Variants in EMSY observed in about 807,000 individuals in gnomAD.
The protein encoded by EMSY is BRCA2-interacting transcriptional repressor EMSY.
Under a neutral mutation model 134.6 loss-of-function variants are expected in EMSY, and 26 were observed. That is an observed-to-expected ratio of 0.19 (90% CI 0.14 to 0.27). EMSY has a LOEUF of 0.27. Among genes scored for constraint, EMSY ranks in the 10% least tolerant of loss-of-function variants. EMSY has a pLI of 1.00. For synonymous variants in EMSY, 579 were observed against 577.8 expected (o/e 1.00, Z -0.03); for missense variants, 1,305 against 1,611.4 (o/e 0.81, Z 3.26).
At chr11:76,509,613 T>C (rs1950202006) in intron 9 of EMSY, among the ~76,000 whole-genome samples, 1 of 152,190 alleles carries the variant, frequency 6.6e-6, no homozygotes, top group Non-Finnish European at 1.5e-5. Flanking sequence ...GAAGAAGCAA[T>C]TTAATTTTAT....
chr11:76,489,304 C>A, intron 8 of EMSY, among the ~76,000 whole-genome samples: 1 of 138,442 alleles, frequency 7.2e-6, no homozygotes, highest in African/African-American at 2.7e-5. Context: ...TGATCAGATT[C>A]TTCTTGTTTT....
At chr11:76,479,845 C>G (rs753885967) in intron 8 of EMSY, among the ~76,000 whole-genome samples, 4 of 152,136 alleles carry the variant, frequency 2.6e-5, no homozygotes, top group African/African-American at 4.8e-5. Context: ...AGATTTCGAT[C>G]ACGTATTGAA....
At chr11:76,484,436 C>A (rs1949101197) in intron 8 of EMSY, among the ~76,000 whole-genome samples, 1 of 152,042 alleles carries the variant, frequency 6.6e-6, no homozygotes, top group Non-Finnish European at 1.5e-5. Context: ...TACGAAAAAC[C>A]CTTCAAAAAA....
chr11:76,461,680 C>T (rs1948123227), intron 6 of EMSY, among the ~76,000 whole-genome samples: 1 of 152,190 alleles, frequency 6.6e-6, no homozygotes. Context: ...GCCTGTAATC[C>T]CAGCACTTTG....
intron 9 of EMSY, among the ~76,000 whole-genome samples, chr11:76,507,498 A>G (rs1299345722): frequency 6.6e-6 from 1 of 152,210 alleles, no homozygotes; most frequent in Admixed American, 6.5e-5. Flanking sequence ...GCTTGTTGTT[A>G]TTTCAACAAC....
At chr11:76,497,458 TC>T (rs1424882324) in intron 9 of EMSY, among the ~76,000 whole-genome samples, 1 of 152,192 alleles carries the variant, frequency 6.6e-6, no homozygotes, top group Admixed American at 6.5e-5. Flanking sequence ...AGTAGAATTC[TC>T]CAATGAAGCC....
At chr11:76,514,119 A>G (rs1950368474) in intron 10 of EMSY, among the ~76,000 whole-genome samples, 1 of 152,154 alleles carries the variant, frequency 6.6e-6, no homozygotes, top group South Asian at 2.1e-4. Flanking sequence ...GACCTTGAGC[A>G]GATTACTTAA....
chr11:76,526,689 A>G (rs1254151533), intron 13 of EMSY, 54 bp downstream of exon 14: 6 of 1,443,832 alleles, frequency 4.2e-6, no homozygotes, highest in Non-Finnish European at 5.6e-6. Flanking sequence ...TTCAATTCTT[A>G]TAATTCCCGG....
intron 12 of EMSY, among the ~76,000 whole-genome samples, chr11:76,523,782 T>C (rs995344680): frequency 2.1e-5 from 3 of 142,732 alleles, no homozygotes; most frequent in Non-Finnish European, 4.5e-5. Flanking sequence ...TGGTGGCACA[T>C]GTCTGTAATC....
At chr11:76,461,217 A>G (rs1373552214) in intron 6 of EMSY, among the ~76,000 whole-genome samples, 1 of 152,138 alleles carries the variant, frequency 6.6e-6, no homozygotes, top group African/African-American at 2.4e-5. Flanking sequence ...TTTCCTGTCA[A>G]CTGGAGGTGA....
At position 76,479,512 on chromosome 11, in the gene EMSY, A is replaced by T. The variant is rs1948889282; in HGVS notation, c.1108+6672A>T. On this transcript the variant is annotated intron_variant, in intron 8 of 20. Coordinates refer to ENST00000334736, the Ensembl canonical transcript of EMSY. The stretch of plus-strand genomic sequence containing the variant: ...CATGGGGCCAAGACCTATGTGCATC[A>T]CTTACTGTGTTTTTTTGCTTATTTT... Among the ~76,000 whole-genome samples, 2 of 152,214 alleles carry T rather than the reference A, an allele frequency of 1.3e-5. 1 individual carries two copies. Among genetic ancestry groups the T allele is most frequent in the Admixed American group, 1.3e-4 (2 of 15,276 alleles).
In EMSY at chr11:76,535,940, G is replaced by A. The variant is rs2136537106; in HGVS notation, c.2240G>A (p.Trp747Ter). 1 of 1,585,920 alleles carries A rather than the reference G, an allele frequency of 6.3e-7. No homozygotes were observed. The highest frequency in any genetic ancestry group is 8.6e-7 in the Non-Finnish European group (1 of 1,165,842). ...GTAATTGCTTCCCGGCGTCAGGATT[G>A]GTCAGAACATGAGATTGCAATGGAG... Residue 747 changes from tryptophan to a stop codon, truncating the protein, a stop_gained, in exon 15 of 21, where the codon TGG becomes TAG. Coordinates refer to ENST00000334736, the Ensembl canonical transcript of EMSY. LOFTEE classifies it high-confidence loss of function.
chr11:76,514,807 G>A (rs1392576300), intron 10 of EMSY, among the ~76,000 whole-genome samples: 1 of 152,022 alleles, frequency 6.6e-6, no homozygotes, highest in Non-Finnish European at 1.5e-5. Flanking sequence ...TCTATGCAAA[G>A]CCTGTGCTTT....
chr11:76,478,288 C>CACAAT (rs1324893127), intron 8 of EMSY, among the ~76,000 whole-genome samples: 3 of 151,882 alleles, frequency 2.0e-5, no homozygotes, highest in Non-Finnish European at 4.4e-5. Flanking sequence ...ACCACTATAC[C>CACAAT]ACAATAGCAC....
intron 6 of EMSY, among the ~76,000 whole-genome samples, chr11:76,463,408 G>A (rs985276788): frequency 2.0e-5 from 3 of 151,812 alleles, no homozygotes; most frequent in Non-Finnish European, 4.4e-5. Context: ...TGGATCATGA[G>A]GTCAGGAGAT....
chr11:76,465,565 T>C (rs934418341), intron 7 of EMSY, among the ~76,000 whole-genome samples: 6 of 151,988 alleles, frequency 3.9e-5, no homozygotes, highest in African/African-American at 1.4e-4. Flanking sequence ...TCTCATACTT[T>C]AAATTTCTAG....
At chr11:76,536,849 C>G (rs1261337268) in intron 15 of EMSY, among the ~76,000 whole-genome samples, 1 of 152,100 alleles carries the variant, frequency 6.6e-6, no homozygotes, top group Non-Finnish European at 1.5e-5. Flanking sequence ...GTTCAATGTC[C>G]TCTCTACTTG....
intron 1 of EMSY, among the ~76,000 whole-genome samples, chr11:76,446,363 G>A (rs368482082): frequency 1.2e-3 from 78 of 63,148 alleles, no homozygotes; most frequent in African/African-American, 5.1e-3. Flanking sequence ...ATATATATAT[G>A]TATGTATCGT....
chr11:76,507,653 C>CA (rs1313797826), intron 9 of EMSY, among the ~76,000 whole-genome samples: 1 of 152,074 alleles, frequency 6.6e-6, no homozygotes, highest in African/African-American at 2.4e-5. Flanking sequence ...CTAAACCACT[C>CA]AAAGTCATCC....
Sources: allele counts gnomAD v4.1 joint callset (sites outside exome capture counted in the v4.1 genomes callset), GRCh38; gene constraint gnomAD v4.1.1; transcripts MANE v1.5; gene names NCBI Gene and HGNC (gene_info 2026-07-23, HGNC 2026-07-21).